The following CARD10 variants were observed in gnomAD, a reference collection of about 807,000 sequenced individuals.
CARD10 encodes the protein caspase recruitment domain family member 10.
A neutral mutation model predicts 114.6 loss-of-function variants in CARD10; 49 were observed. The observed-to-expected ratio is 0.43, with a 90% CI of 0.34 to 0.54. The LOEUF is 0.54. Ranked by LOEUF, CARD10 falls within the 20% of genes least tolerant of loss-of-function variation. The pLI is 0.03. For synonymous variants in CARD10, 602 were observed against 593.2 expected (o/e 1.01, Z -0.21); for missense variants, 1,206 against 1,397.2 (o/e 0.86, Z 2.18).
intron 11 of CARD10, 85 bp downstream of exon 11, chr22:37,502,517 G>A (rs1159586442): frequency 1.4e-6 from 2 of 1,445,166 alleles, no homozygotes; most frequent in African/African-American, 2.8e-5. Flanking sequence ...TAAAACAGGG[G>A]CGAGGCAATT....
rs148692407 is a variant in CARD10 at position 37,506,063 on chromosome 22, C to T, written c.1383+129G>A. 639 of 694,898 alleles carry T rather than the reference C, an allele frequency of 9.2e-4. 14 individuals carry two copies. The East Asian group carries it at 0.02, about 22-fold the overall frequency. 43.0% of individuals were successfully genotyped at this position (694,898 alleles called of 1,614,324 possible). On this transcript the variant is annotated intron_variant, in intron 7 of 19. Coordinates refer to ENST00000251973, the MANE Select transcript of CARD10 (RefSeq NM_014550.4). ...CCCGCCCCTAACTGAGGACTCTTCC[C>T]ACTTCCCCCAAGCTTCCTCCCCTGG...
rs1030442547 is a variant in CARD10 at position 37,495,553 on chromosome 22, G to A, written c.2337C>T (p.Cys779=). Residue 779 remains cysteine (C), a synonymous_variant, in exon 15 of 20, where the codon TGC becomes TGT. Coordinates refer to ENST00000251973, the MANE Select transcript of CARD10 (RefSeq NM_014550.4). ...GGCCTCGGTGCCGGCTGGAGGGCAG[G>A]CATTTCTCCTGAACTTCTAGGAGCT... ...AQQLLEVQEK[C]LPSSRHRGPR... 1.2e-6 allele frequency: 2 copies of A among 1,613,356 alleles called. No individual in the cohort carries two copies. Among genetic ancestry groups the A allele is most frequent in the Admixed American group, 3.3e-5 (2 of 59,918 alleles).
chr22:37,504,202 G>T lies in CARD10; in HGVS notation c.1618C>A (p.Pro540Thr). 6.4e-7 allele frequency: 1 copy of T among 1,564,684 alleles called. No individual in the cohort carries two copies. Among genetic ancestry groups the T allele is most frequent in the African/African-American group, 1.4e-5 (1 of 73,988 alleles). Residue 540 changes from proline to threonine, a missense_variant, in exon 9 of 20, where the codon CCC becomes ACC. Around this residue, in one of 2 missense-constraint regions of CARD10, gnomAD observed 1,068 missense variants for 1,179.1 expected, o/e 0.91. Coordinates refer to ENST00000251973, the MANE Select transcript of CARD10 (RefSeq NM_014550.4). Reference sequence around the variant, plus strand: ...CCATCTCACCTCTTAGGGGGTGCGGGGTCTTCCTCACGCTGCCGGCGGAGG... The same window carrying T: ...CCATCTCACCTCTTAGGGGGTGCGGTGTCTTCCTCACGCTGCCGGCGGAGG... Reference protein sequence around the residue: ...SILRRQREEDPAPPKRSFSSM... With the variant: ...SILRRQREEDTAPPKRSFSSM...
At position 37,497,128 on chromosome 22, in the gene CARD10, G is replaced by A. The variant is rs1490469529; in HGVS notation, c.1838C>T (p.Pro613Leu). Residue 613 changes from proline to leucine, a missense_variant, in exon 12 of 20, where the codon CCG (proline) becomes CTG (leucine). By Grantham distance (98) the Pro-to-Leu change is moderately conservative (BLOSUM62 -3). Coordinates refer to ENST00000251973, the MANE Select transcript of CARD10 (RefSeq NM_014550.4). ...CAGTCCATCTGGTCCCTTGTCCTGC[G>A]GCTCTGGGCCCCCTGGGGGGCTCCG... ...SGRSPPGGPE[P>L]QDKGPDGLSF... 15 of 1,614,106 alleles carry A rather than the reference G, an allele frequency of 9.3e-6. No individual in the cohort carries two copies. The highest frequency in any genetic ancestry group is 4.5e-5 in the East Asian group (2 of 44,900).
intron 3 of CARD10, 160 bp from the exon 4 acceptor site, chr22:37,510,581 C>T (rs1230328277): frequency 1.6e-6 from 1 of 628,080 alleles, no homozygotes; most frequent in Middle Eastern, 3.6e-4. Context: ...ACAGGACAGG[C>T]TGGACAGATA....
intron 11 of CARD10, 23 bp downstream of exon 11, chr22:37,502,579 C>G: frequency 6.2e-7 from 1 of 1,611,012 alleles, no homozygotes; most frequent in African/African-American, 1.3e-5. Flanking sequence ...CCCAGCTCCA[C>G]CCACTGCAGG....
Position 37,502,692 on chromosome 22 carries a change from A to G in CARD10, c.1697T>C (p.Leu566Pro), listed in dbSNP as rs759476266. The G allele has an allele frequency of 1.9e-6, 3 of 1,613,750 alleles. No homozygotes were observed. The highest frequency in any genetic ancestry group is 2.5e-6 in the Non-Finnish European group (3 of 1,179,886). Residue 566 changes from leucine (L) to proline (P), a missense_variant, in exon 11 of 20, where the codon CTC becomes CCC. Around this residue, in one of 2 missense-constraint regions of CARD10, gnomAD observed 1,068 missense variants for 1,179.1 expected, o/e 0.91. Transcript: ENST00000251973. Reference sequence around the variant, plus strand: ...GCTGTCAGAGGATGAGGACGAAGAGAGGCCAGGGGACCAGGGCTTAAGTGT... The same window carrying G: ...GCTGTCAGAGGATGAGGACGAAGAGGGGCCAGGGGACCAGGGCTTAAGTGT... ...SVTLKPWSPGLSSSSSSDSVW... is the reference protein window; with the variant it reads ...SVTLKPWSPGPSSSSSSDSVW...
rs2145762081 is a variant in CARD10, at chr22:37,503,034, C to T, written c.1663+151G>A. On this transcript the variant is annotated intron_variant, in intron 10 of 19. Transcript: ENST00000251973. ...CCAAAGTCCCCAGGGTCCTCCCAAG[C>T]ACAACCTTCCTGCCTGGCAGGGGCC... 8 of 893,730 alleles carry T rather than the reference C, an allele frequency of 9.0e-6. No individual in the cohort carries two copies. In the South Asian group the frequency reaches 1.1e-4, roughly 12 times the overall value. 55.4% of individuals were successfully genotyped at this position (893,730 alleles called of 1,614,324 possible).
intron 11 of CARD10, among the ~76,000 whole-genome samples, chr22:37,498,558 C>T (rs1232311654): frequency 5.9e-5 from 9 of 152,178 alleles, no homozygotes. Context: ...CTGGGGAGGG[C>T]GCGGCTGCAA....
At position 37,508,682 on chromosome 22, in the gene CARD10, C is replaced by G. The variant is rs1268887776; in HGVS notation, c.910G>C (p.Glu304Gln). 2 of 1,556,082 alleles carry G rather than the reference C, an allele frequency of 1.3e-6. No individual in the cohort carries two copies. Reference sequence around the variant, plus strand: ...CCCGGGGCCCCCGGCCGGCTCGCCTCCTGGGGATCACAGGGCAGGGCCACC... The same window carrying G: ...CCCGGGGCCCCCGGCCGGCTCGCCTGCTGGGGATCACAGGGCAGGGCCACC... ...LRELQEGLQQ[E>Q]ASRPGAPGSE... Residue 304 changes from glutamate (E) to glutamine (Q), a missense_variant and splice_region_variant, in exon 5 of 20, where the codon GAG becomes CAG. By Grantham distance (29) the Glu-to-Gln change is conservative. Coordinates refer to ENST00000251973, the MANE Select transcript of CARD10 (RefSeq NM_014550.4).
chr22:37,509,278 C>A (rs4080481), intron 4 of CARD10: 202,971 of 679,344 alleles, frequency 0.3, 33,867 homozygotes, highest in African/African-American at 0.59. Context: ...CCCTAGGGCC[C>A]CCAGGCCACA....
At chr22:37,494,280 C>T (rs1922913703) in intron 15 of CARD10, 92 bp from the exon 16 acceptor site, 1 of 817,596 alleles carries the variant, frequency 1.2e-6, no homozygotes, top group Non-Finnish European at 2.0e-6. Context: ...CAGCGGGCCC[C>T]ACTGCCACTG....
At chr22:37,517,939 G>A in intron 2 of CARD10, 32 bp downstream of exon 2, 3 of 1,604,698 alleles carry the variant, frequency 1.9e-6, no homozygotes, top group South Asian at 2.2e-5. Flanking sequence ...ACTGGAGTCC[G>A]AGGTGCCAGC....
intron 2 of CARD10, 140 bp downstream of exon 2, chr22:37,517,831 G>C (rs1214895613): frequency 1.3e-5 from 15 of 1,143,286 alleles, no homozygotes; most frequent in African/African-American, 1.6e-5. Flanking sequence ...GGGGCCCTGG[G>C]CAAGCCCCTT....
At chr22:37,499,273 G>T (rs1257357879) in intron 11 of CARD10, among the ~76,000 whole-genome samples, 1 of 151,680 alleles carries the variant, frequency 6.6e-6, no homozygotes, top group Non-Finnish European at 1.5e-5. Flanking sequence ...CACCTCCCTG[G>T]CTACTCGCTG....
chr22:37,509,483 C>T (rs1923534718), intron 4 of CARD10, among the ~76,000 whole-genome samples: 1 of 152,110 alleles, frequency 6.6e-6, no homozygotes, highest in East Asian at 1.9e-4. Context: ...GGGACTCCAT[C>T]CAGATCTCAG....
Position 37,506,196 on chromosome 22 carries a change from A to G in CARD10, c.1379T>C (p.Leu460Pro). ...QLQRAQGGTC[L>P]KACASSHSLC... ...CCACAATCTTGACCCGCTCACCTTG[A>G]GGCAGGTGCCACCCTGGGCCCGCTG... is the stretch of plus-strand genomic sequence containing the variant. Residue 460 changes from leucine to proline, a missense_variant, in exon 7 of 20, where the codon CTC becomes CCC. Transcript: ENST00000251973. The G allele has an allele frequency of 6.4e-7, 1 of 1,557,436 alleles. No individual in the cohort carries two copies. The highest frequency in any genetic ancestry group is 8.7e-7 in the Non-Finnish European group (1 of 1,148,260).
In CARD10 at chr22:37,491,351, C is replaced by CA; in HGVS notation, c.2906dup (p.Arg970AlafsTer24). 1 of 1,535,542 alleles carries CA rather than the reference C, an allele frequency of 6.5e-7. No individual in the cohort carries two copies. The highest frequency in any genetic ancestry group is 8.7e-7 in the Non-Finnish European group (1 of 1,143,514). On this transcript the variant is annotated frameshift_variant, in exon 20 of 20. Transcript: ENST00000251973. LOFTEE classifies it high-confidence loss of function. Reference sequence around the variant, plus strand: ...CCTGCTCTGAGCCACGGCACTGCCGCAGCAGCTCTGAGTCCCGCCAGCCCG... The same window carrying CA: ...CCTGCTCTGAGCCACGGCACTGCCGCAAGCAGCTCTGAGTCCCGCCAGCCCG...
chr22:37,510,433 G>A lies in CARD10; in HGVS notation c.700-12C>T. ...TTGAGCTGATCCACCTGGAGCCCAAGACATGGGTCAGCCCAGAGGGAGACA... is the reference window on the plus strand; with the variant it reads ...TTGAGCTGATCCACCTGGAGCCCAAAACATGGGTCAGCCCAGAGGGAGACA... On this transcript the variant is annotated splice_polypyrimidine_tract_variant and intron_variant, in intron 3 of 19. Coordinates refer to ENST00000251973, the MANE Select transcript of CARD10 (RefSeq NM_014550.4). 6.2e-7 allele frequency: 1 copy of A among 1,612,824 alleles called. No individual in the cohort carries two copies. Among genetic ancestry groups the A allele is most frequent in the Non-Finnish European group, 8.5e-7 (1 of 1,179,524 alleles).
Sources: allele counts gnomAD v4.1 joint callset (sites outside exome capture counted in the v4.1 genomes callset), GRCh38; gene constraint gnomAD v4.1.1; regional missense constraint gnomAD v4.1.1; transcripts MANE v1.5; gene names NCBI Gene and HGNC (gene_info 2026-07-23, HGNC 2026-07-21).